CUL7: variants seen among roughly 807,000 people sequenced by gnomAD.
The protein encoded by CUL7 is cullin-7.
In CUL7, 96 loss-of-function variants were observed where a neutral mutation model predicts 177.7. The observed-to-expected ratio is 0.54, with a 90% CI of 0.46 to 0.64. CUL7 has a LOEUF of 0.64. Among genes scored for constraint, CUL7 ranks in the 30% least tolerant of loss-of-function variants. The probability of loss-of-function intolerance (pLI) is 0.00; values close to 1 mark genes in which losing one functional copy is unlikely to be tolerated. For missense variants in CUL7, 1,893 were observed against 2,187.9 expected (o/e 0.87, Z 2.69); for synonymous variants, 824 against 890.2 (o/e 0.93, Z 1.32).
rs1217807817 is a variant in CUL7, at chr6:43,040,542, C to T, written c.4011G>A (p.Glu1337=). The part of the protein sequence containing the change: ...DQELLKLEDT[E]KKIQVGLGAS... ...CCAAGGCACTCACCTGTATTTTCTT[C>T]TCTGTATCCTCCAGCTTCAGGAGTT... is the stretch of plus-strand genomic sequence containing the variant. Residue 1337 remains glutamate, a synonymous_variant, in exon 21 of 26, where the codon GAG becomes GAA. Coordinates refer to ENST00000265348, the MANE Select transcript of CUL7 (RefSeq NM_014780.5). The surrounding 1 kb of genome is among the most constrained non-coding windows in gnomAD (Gnocchi z 4.2). The T allele has an allele frequency of 6.2e-7, 1 of 1,614,144 alleles. No individual in the cohort carries two copies. The highest frequency in any genetic ancestry group is 1.7e-5 in the Admixed American group (1 of 60,016).
At position 43,050,677 on chromosome 6, in the gene CUL7, A is replaced by G. The variant is rs1484900964; in HGVS notation, c.1234-279T>C. On this transcript the variant is annotated intron_variant, in intron 4 of 25. Transcript: ENST00000265348. This position sits in a 1 kb window ranked among gnomAD's most constrained non-coding sequence, Gnocchi z 4.1. The stretch of plus-strand genomic sequence containing the variant: ...TGTCTTTCATGGCTTATGCCCCCAC[A>G]CTTCCTTCTGGCCTCCACCACTCCA... Among the ~76,000 whole-genome samples, 1 of 150,242 alleles carries G rather than the reference A, an allele frequency of 6.7e-6. No homozygotes were observed. Among genetic ancestry groups the G allele is most frequent in the Non-Finnish European group, 1.5e-5 (1 of 67,646 alleles).
At position 43,043,269 on chromosome 6, in the gene CUL7, C is replaced by G. The variant is rs1763607512; in HGVS notation, c.3356-89G>C. 7 of 1,258,674 alleles carry G rather than the reference C, an allele frequency of 5.6e-6. No individual in the cohort carries two copies. Among genetic ancestry groups the G allele is most frequent in the Non-Finnish European group, 8.0e-6 (7 of 873,996 alleles). 78.0% of individuals were successfully genotyped at this position (1,258,674 alleles called of 1,614,324 possible). ...TCCAAGGGGGTTCCCTGAGGCCTTT[C>G]CTGACATGCTGCCACCCAAAATGAT... On this transcript the variant is annotated intron_variant, in intron 17 of 25. Transcript: ENST00000265348. The surrounding 1 kb of genome is among the most constrained non-coding windows in gnomAD (Gnocchi z 4.2).
chr6:43,052,138 A>G lies in CUL7; in HGVS notation c.580+71T>C. 6.3e-7 allele frequency: 1 copy of G among 1,593,074 alleles called. No homozygotes were observed. The highest frequency in any genetic ancestry group is 8.5e-7 in the Non-Finnish European group (1 of 1,169,666). On this transcript the variant is annotated intron_variant, in intron 2 of 25. Coordinates refer to ENST00000265348, the MANE Select transcript of CUL7 (RefSeq NM_014780.5). The surrounding 1 kb of genome is among the most constrained non-coding windows in gnomAD (Gnocchi z 4.5). ...TGATGAGATCAGAGGCTCCTGCCACAGTGTCCTGTGAGTCCCTGAGCCGAC... is the reference window on the plus strand; with the variant it reads ...TGATGAGATCAGAGGCTCCTGCCACGGTGTCCTGTGAGTCCCTGAGCCGAC...
chr6:43,042,420 A>G (rs1462689327), intron 19 of CUL7, among the ~76,000 whole-genome samples: 2 of 152,036 alleles, frequency 1.3e-5, no homozygotes, highest in Non-Finnish European at 2.9e-5. Flanking sequence ...CTGCAACTGC[A>G]ACCTCCACTT....
At chr6:43,046,630 C>T in intron 10 of CUL7, 29 bp from the exon 11 acceptor site, 4 of 1,613,716 alleles carry the variant, frequency 2.5e-6, no homozygotes, top group South Asian at 1.1e-5. Flanking sequence ...AGAGAAGGGG[C>T]ACAGGGGCAG....
chr6:43,053,562 G>A lies in CUL7; in HGVS notation c.-9+60C>T. ...GGGACCGAGGTTGGGTGAGCGCGAG[G>A]CTCGATGGGCTAGTGGGCAGGGAAG... On this transcript the variant is annotated intron_variant, in intron 1 of 25. Transcript: ENST00000265348. The surrounding 1 kb of genome is among the most constrained non-coding windows in gnomAD (Gnocchi z 4.1). 1 of 1,169,682 alleles carries A rather than the reference G, an allele frequency of 8.5e-7. No individual in the cohort carries two copies. The highest frequency in any genetic ancestry group is 1.1e-6 in the Non-Finnish European group (1 of 897,908). The allele number at this position is 1,169,682 out of a possible 1,614,324, so 72.5% of individuals were successfully genotyped here.
rs143128153 is a variant in CUL7 at position 43,048,202 on chromosome 6, G to A, written c.2115C>T (p.His705=). ...DFPEALLLPW[H]EAVDACMACL... ...AGGCCATGCAGGCATCCACGGCCTCGTGCCAGGGGAGCAGCAGTGCCTCGG... is the reference window on the plus strand; with the variant it reads ...AGGCCATGCAGGCATCCACGGCCTCATGCCAGGGGAGCAGCAGTGCCTCGG... The change falls in exon 9 of 26, where the codon CAC becomes CAT. Residue 705 remains histidine, a synonymous_variant. Coordinates refer to ENST00000265348, the MANE Select transcript of CUL7 (RefSeq NM_014780.5). The A allele has an allele frequency of 3.6e-4, 587 of 1,614,102 alleles. 3 individuals are homozygous for A. Among genetic ancestry groups the A allele is most frequent in the Middle Eastern group, 2.5e-3 (15 of 6,062 alleles).
At position 43,046,575 on chromosome 6, in the gene CUL7, G is replaced by T. The variant is rs1165648726; in HGVS notation, c.2424C>A (p.His808Gln). The T allele has an allele frequency of 6.2e-7, 1 of 1,614,148 alleles. No homozygotes were observed. Among genetic ancestry groups the T allele is most frequent in the Non-Finnish European group, 8.5e-7 (1 of 1,180,014 alleles). Residue 808 changes from histidine (H) to glutamine (Q), a missense_variant, in exon 11 of 26, where the codon CAC becomes CAA. Physicochemically the swap from His to Gln is conservative, Grantham distance 24 (BLOSUM62 0). Coordinates refer to ENST00000265348, the MANE Select transcript of CUL7 (RefSeq NM_014780.5). ...IQMVLGQIED[H>Q]RRTHQPINIP... is the part of the protein sequence containing the mutation. ...TGTTGATGGGTTGGTGGGTTCGTCT[G>T]TGGTCTTCGATCTGGCCCAGCACCA...
Position 43,038,941 on chromosome 6 carries a change from C to G in CUL7, c.4341G>C (p.Gln1447His). The change falls in exon 23 of 26, where the codon CAG (glutamine) becomes CAC (histidine). Residue 1447 changes from glutamine (Q) to histidine (H), a missense_variant. Gln to His is a conservative substitution (Grantham distance 24). Coordinates refer to ENST00000265348, the MANE Select transcript of CUL7 (RefSeq NM_014780.5). ...GCTCAGCCCAGCCCAGCCACGTCCA[C>G]TGCAGTCGCCTCTGTGAGCCTCGCT... is the stretch of plus-strand genomic sequence containing the variant. ...ALERGSQRRLQWTWLGWAELQ... is the reference protein window; with the variant it reads ...ALERGSQRRLHWTWLGWAELQ... The G allele has an allele frequency of 6.2e-7, 1 of 1,613,426 alleles. No homozygotes were observed. Among genetic ancestry groups the G allele is most frequent in the Non-Finnish European group, 8.5e-7 (1 of 1,179,322 alleles).
rs1764455841 is a variant in CUL7, at chr6:43,052,045, C to T, written c.580+164G>A. The stretch of plus-strand genomic sequence containing the variant: ...TTCCTCTTTTGGCAGATAACCCCCA[C>T]CCTCACTCCCATGCCCACCTCCTTT... On this transcript the variant is annotated intron_variant, in intron 2 of 25. Transcript: ENST00000265348. This position sits in a 1 kb window ranked among gnomAD's most constrained non-coding sequence, Gnocchi z 4.5. 1 of 1,325,346 alleles carries T rather than the reference C, an allele frequency of 7.5e-7. No individual in the cohort carries two copies. Among genetic ancestry groups the T allele is most frequent in the Admixed American group, 2.2e-5 (1 of 45,664 alleles). The allele number at this position is 1,325,346 out of a possible 1,614,324, so 82.1% of individuals were successfully genotyped here.
chr6:43,052,539 C>T lies in CUL7; in HGVS notation c.250G>A (p.Glu84Lys), dbSNP rs1478625541. The T allele has an allele frequency of 6.2e-6, 10 of 1,614,260 alleles. No individual in the cohort carries two copies. The highest frequency in any genetic ancestry group is 2.2e-5 in the South Asian group (2 of 91,082). The part of the protein sequence containing the change: ...IYANCHKMLG[E>K]DGQVIGPSQE... ...GAGGGCCCGATGACCTGGCCATCCT[C>T]GCCCAGCATCTTGTGGCAGTTGGCA... The change falls in exon 2 of 26, where the codon GAG becomes AAG. Residue 84 changes from glutamate to lysine, a missense_variant. Around this residue, in one of 5 missense-constraint regions of CUL7, gnomAD observed 653 missense variants for 725.2 expected, o/e 0.90. Coordinates refer to ENST00000265348, the MANE Select transcript of CUL7 (RefSeq NM_014780.5). This position sits in a 1 kb window ranked among gnomAD's most constrained non-coding sequence, Gnocchi z 4.5.
rs754130708 is a variant in CUL7, at chr6:43,048,352, G to C, written c.2043C>G (p.Thr681=). The change falls in exon 8 of 26, where the codon ACC becomes ACG. Residue 681 remains threonine (T), a synonymous_variant. Coordinates refer to ENST00000265348, the MANE Select transcript of CUL7 (RefSeq NM_014780.5). ...QSLDTPETNR[T]LHLTVLRILK... is the part of the protein sequence containing the mutation. ...CTCACCTCAGCACAGTCAGGTGCAG[G>C]GTCCTGTTAGTCTCCGGAGTGTCCA... 1 of 1,611,508 alleles carries C rather than the reference G, an allele frequency of 6.2e-7. No homozygotes were observed. Among genetic ancestry groups the C allele is most frequent in the Non-Finnish European group, 8.5e-7 (1 of 1,177,552 alleles).
rs200898057 is a variant in CUL7 at position 43,040,734 on chromosome 6, C to T, written c.3819G>A (p.Ala1273=). 1.5e-5 allele frequency: 24 copies of T among 1,614,100 alleles called. No homozygotes were observed. The East Asian group carries it at 1.8e-4, about 12-fold the overall frequency. Residue 1273 remains alanine (A), a synonymous_variant, in exon 21 of 26, where the codon GCG becomes GCA. Coordinates refer to ENST00000265348, the MANE Select transcript of CUL7 (RefSeq NM_014780.5). This position sits in a 1 kb window ranked among gnomAD's most constrained non-coding sequence, Gnocchi z 4.2. ...TFEHYYQHYM[A]DRLLGVVSSW... ...TCGAGACCACGCCCAGGAGACGGTC[C>T]GCCATGTAGTGCCTGCAGTGCATGC...
intron 16 of CUL7, among the ~76,000 whole-genome samples, chr6:43,044,179 G>A (rs1032519245): frequency 4.6e-5 from 7 of 151,848 alleles, no homozygotes; most frequent in Non-Finnish European, 7.4e-5. Context: ...AAAATTAGCT[G>A]GGCATGGTGG....
chr6:43,037,644 T>C lies in CUL7; in HGVS notation c.*44A>G. The C allele has an allele frequency of 6.6e-7, 1 of 1,506,552 alleles. No homozygotes were observed. Among genetic ancestry groups the C allele is most frequent in the Non-Finnish European group, 9.0e-7 (1 of 1,106,816 alleles). The allele number at this position is 1,506,552 out of a possible 1,614,324, so 93.3% of individuals were successfully genotyped here. ...TAATCAAACTCTTGGGTTTTATTTCTGTAAAAGCTCCAGCTCTACCTTCCC... is the reference window on the plus strand; with the variant it reads ...TAATCAAACTCTTGGGTTTTATTTCCGTAAAAGCTCCAGCTCTACCTTCCC... On this transcript the variant is annotated 3_prime_UTR_variant, in exon 26 of 26. Coordinates refer to ENST00000265348, the MANE Select transcript of CUL7 (RefSeq NM_014780.5).
At position 43,038,698 on chromosome 6, in the gene CUL7, G is replaced by C. The variant is rs1452315737; in HGVS notation, c.4441-6C>G. 1 of 1,614,104 alleles carries C rather than the reference G, an allele frequency of 6.2e-7. No homozygotes were observed. The highest frequency in any genetic ancestry group is 2.2e-5 in the East Asian group (1 of 44,892). ...AGACTCTCCACAGAGACCGCCTTCAGAGAACAGATGGGAGACATTCAGGGC... is the reference window on the plus strand; with the variant it reads ...AGACTCTCCACAGAGACCGCCTTCACAGAACAGATGGGAGACATTCAGGGC... On this transcript the variant is annotated splice_polypyrimidine_tract_variant and splice_region_variant and intron_variant, in intron 23 of 25. Coordinates refer to ENST00000265348, the MANE Select transcript of CUL7 (RefSeq NM_014780.5).
At chr6:43,042,261 A>G (rs1763498238) in intron 19 of CUL7, among the ~76,000 whole-genome samples, 1 of 152,166 alleles carries the variant, frequency 6.6e-6, no homozygotes, top group South Asian at 2.1e-4. Context: ...AAGGAGCCTC[A>G]TGTTCCTGCT....
At chr6:43,046,144 A>G in intron 12 of CUL7, 53 bp from the exon 13 acceptor site, 1 of 1,611,110 alleles carries the variant, frequency 6.2e-7, no homozygotes, top group Non-Finnish European at 8.5e-7. Context: ...GCCCATGGCC[A>G]AGTCCAGGGG....
Position 43,051,668 on chromosome 6 carries a change from C to T in CUL7, c.676G>A (p.Ala226Thr). The T allele has an allele frequency of 1.2e-6, 2 of 1,614,172 alleles. No individual in the cohort carries two copies. The highest frequency in any genetic ancestry group is 1.1e-5 in the South Asian group (1 of 91,086). Residue 226 changes from alanine (A) to threonine (T), a missense_variant, in exon 3 of 26, where the codon GCA (alanine) becomes ACA (threonine). Ala to Thr is a moderately conservative substitution (Grantham distance 58, BLOSUM62 0). Transcript: ENST00000265348. The surrounding 1 kb of genome is among the most constrained non-coding windows in gnomAD (Gnocchi z 5.0). ...GGGTGTTCAGAGAGCGTGGCCTGTG[C>T]AAACAGTGCTAGCAGAGCACAGCGG... is the stretch of plus-strand genomic sequence containing the variant. The part of the protein sequence containing the change: ...DSRCALLALF[A>T]QATLSEHPMS...
Sources: allele counts gnomAD v4.1 joint callset (sites outside exome capture counted in the v4.1 genomes callset), GRCh38; gene constraint gnomAD v4.1.1; regional missense constraint gnomAD v4.1.1; non-coding constraint Gnocchi (gnomAD v3.1); transcripts MANE v1.5; gene names NCBI Gene and HGNC (gene_info 2026-07-23, HGNC 2026-07-21).